Variants in THSD4 observed in about 807,000 individuals in gnomAD.
THSD4 encodes thrombospondin type 1 domain containing 4, also known as thrombospondin type-1 domain-containing protein 4.
In THSD4, 69 loss-of-function variants were observed where a neutral mutation model predicts 119.0. The ratio of observed to expected loss-of-function variants is 0.58; its 90% CI spans 0.48 to 0.71. THSD4 has a LOEUF of 0.71. Among genes scored for constraint, THSD4 ranks in the 30% least tolerant of loss-of-function variants. The pLI is 0.00. For synonymous variants in THSD4, 524 were observed against 540.4 expected, an observed-to-expected ratio of 0.97 and a Z score of 0.42; for missense variants, 1,393 against 1,391.1, an observed-to-expected ratio of 1.00 and a Z score of -0.02.
chr15:71,335,005 C>T (rs1157076189), intron 6 of THSD4, among the ~76,000 whole-genome samples: 1 of 152,186 alleles, frequency 6.6e-6, no homozygotes, highest in Non-Finnish European at 1.5e-5. Context: ...CCTTCCTGAG[C>T]AGAATTAATG....
chr15:71,311,028 A>T (rs910825210), intron 6 of THSD4, among the ~76,000 whole-genome samples: 2 of 152,218 alleles, frequency 1.3e-5, no homozygotes, highest in Admixed American at 1.3e-4. Context: ...AGTGACTTAA[A>T]CATGACAGAA....
intron 7 of THSD4, among the ~76,000 whole-genome samples, chr15:71,426,811 C>T (rs975185320): frequency 6.6e-6 from 1 of 152,112 alleles, no homozygotes; most frequent in African/African-American, 2.4e-5. Flanking sequence ...TGTGTCTTAG[C>T]TCCTAAAGGA....
intron 8 of THSD4, among the ~76,000 whole-genome samples, chr15:71,699,634 T>C (rs1156367356): frequency 3.3e-5 from 5 of 152,158 alleles, no homozygotes; most frequent in African/African-American, 1.2e-4. Flanking sequence ...AGAGCTTCCA[T>C]GCCTGGAAGT....
At chr15:71,154,705 T>C (rs761467432) in intron 2 of THSD4, among the ~76,000 whole-genome samples, 158 bp from the exon 3 acceptor site, 15 of 152,138 alleles carry the variant, frequency 9.9e-5, no homozygotes, top group Non-Finnish European at 1.9e-4. Context: ...CCTCCCTCCT[T>C]TGGGGCCAAC....
intron 17 of THSD4, among the ~76,000 whole-genome samples, chr15:71,775,702 C>T (rs2053900245): frequency 1.3e-5 from 2 of 151,974 alleles, no homozygotes; most frequent in African/African-American, 4.8e-5. Context: ...TACAGCGAGA[C>T]TCCGTCTCAA....
At chr15:71,224,988 G>A (rs1277556090) in intron 4 of THSD4, among the ~76,000 whole-genome samples, 2 of 152,068 alleles carry the variant, frequency 1.3e-5, no homozygotes, top group African/African-American at 4.8e-5. Flanking sequence ...AGGGAGGGGG[G>A]ACATTATCAG....
chr15:71,706,298 G>A (rs1293492120), intron 8 of THSD4, among the ~76,000 whole-genome samples: 1 of 152,104 alleles, frequency 6.6e-6, no homozygotes, highest in African/African-American at 2.4e-5. Context: ...GAACCCAGAG[G>A]TCTCCAGCCT....
chr15:71,482,435 C>T (rs1278780205), intron 7 of THSD4, among the ~76,000 whole-genome samples: 1 of 151,642 alleles, frequency 6.6e-6, no homozygotes, highest in Non-Finnish European at 1.5e-5. Context: ...GGACTACAGG[C>T]ACCTGCCACC....
chr15:71,456,713 A>G (rs534922305), intron 7 of THSD4, among the ~76,000 whole-genome samples: 85 of 152,072 alleles, frequency 5.6e-4, no homozygotes, highest in Non-Finnish European at 1.0e-3. Flanking sequence ...GTTAGGGTAG[A>G]ATGGGGAGGC....
intron 7 of THSD4, among the ~76,000 whole-genome samples, chr15:71,460,973 T>A (rs539322578): frequency 1.4e-4 from 21 of 152,362 alleles, no homozygotes; most frequent in Non-Finnish European, 2.9e-4. Context: ...TATTGCTGCA[T>A]AACAAATTAT....
chr15:71,623,089 A>G (rs2050447622), intron 7 of THSD4, among the ~76,000 whole-genome samples: 1 of 152,188 alleles, frequency 6.6e-6, no homozygotes, highest in South Asian at 2.1e-4. Context: ...GGAAAATGTA[A>G]TAAAAGCCAT....
At position 71,383,208 on chromosome 15, in the gene THSD4, G is replaced by C. The variant is rs1293339676; in HGVS notation, c.1016-28479G>C. On this transcript the variant is annotated intron_variant, in intron 6 of 17. Coordinates refer to ENST00000261862, the MANE Select transcript of THSD4 (RefSeq NM_024817.3). The stretch of plus-strand genomic sequence containing the variant: ...TGGACCCTGTAATTTTGGGGGACCA[G>C]CAGGGGTCCCCCTCGTCTGTCCAGC... Among the ~76,000 whole-genome samples the C allele has an allele frequency of 2.0e-5, 3 of 152,200 alleles. No homozygotes were observed. In the East Asian group the frequency reaches 5.8e-4, roughly 29 times the overall value.
At chr15:71,714,165 C>A (rs1341649987) in intron 8 of THSD4, among the ~76,000 whole-genome samples, 1 of 152,200 alleles carries the variant, frequency 6.6e-6, no homozygotes, top group African/African-American at 2.4e-5. Context: ...ACCTATTCTT[C>A]TCATCCACAA....
At chr15:71,355,049 G>A (rs2045790693) in intron 6 of THSD4, among the ~76,000 whole-genome samples, 1 of 152,166 alleles carries the variant, frequency 6.6e-6, no homozygotes, top group Non-Finnish European at 1.5e-5. Context: ...CATTACAAAT[G>A]TTTCGTAAAA....
intron 7 of THSD4, among the ~76,000 whole-genome samples, chr15:71,556,737 C>T (rs1393405654): frequency 1.3e-5 from 2 of 148,222 alleles, no homozygotes; most frequent in Non-Finnish European, 3.0e-5. Flanking sequence ...TTCACTCCAG[C>T]CTGGGTGGCA....
At chr15:71,475,640 C>T (rs988738287) in intron 7 of THSD4, among the ~76,000 whole-genome samples, 4 of 152,100 alleles carry the variant, frequency 2.6e-5, no homozygotes, top group South Asian at 2.1e-4. Flanking sequence ...AAAGAAATGG[C>T]GGCCAGGCGT....
intron 7 of THSD4, among the ~76,000 whole-genome samples, chr15:71,471,622 A>G (rs78078135): frequency 0.024 from 3,623 of 151,684 alleles, 67 homozygotes; most frequent in South Asian, 0.064. Flanking sequence ...GCAAGGATGC[A>G]CTGCTCAGAC....
At chr15:71,129,975 G>A (rs2040488696) in intron 1 of THSD4, among the ~76,000 whole-genome samples, 1 of 152,162 alleles carries the variant, frequency 6.6e-6, no homozygotes, top group Admixed American at 6.5e-5. Context: ...TTTCTGGATG[G>A]TCAAATGCGT....
At position 71,296,234 on chromosome 15, in the gene THSD4, T is replaced by A. The variant is rs576986046; in HGVS notation, c.1015+39519T>A. Among the ~76,000 whole-genome samples, 33 of 152,342 alleles carry A rather than the reference T, an allele frequency of 2.2e-4. 1 individual carries two copies. In the South Asian group the frequency reaches 6.8e-3, roughly 32 times the overall value. Reference sequence around the variant, plus strand: ...GTAACTTTTCAGGAAATAGCCAAACTGTTTCCCAAAGTGTCTGTACCATTT... The same window carrying A: ...GTAACTTTTCAGGAAATAGCCAAACAGTTTCCCAAAGTGTCTGTACCATTT... On this transcript the variant is annotated intron_variant, in intron 6 of 17. Coordinates refer to ENST00000261862, the MANE Select transcript of THSD4 (RefSeq NM_024817.3).
Sources: gnomAD v4.1 joint callset for allele counts (sites outside exome capture counted in the v4.1 genomes callset) on GRCh38, gnomAD v4.1.1 for gene constraint, MANE v1.5 for transcripts, NCBI Gene and HGNC (gene_info 2026-07-23, HGNC 2026-07-21) for gene names.